The following KAZN variants were observed in gnomAD, a reference collection of about 807,000 sequenced individuals.
The protein encoded by KAZN is kazrin, periplakin interacting protein.
A neutral mutation model predicts 87.4 loss-of-function variants in KAZN; 40 were observed. The observed-to-expected ratio is 0.46, with a 90% CI of 0.36 to 0.60. KAZN has a LOEUF of 0.60. Among genes scored for constraint, KAZN ranks in the 20% least tolerant of loss-of-function variants. The pLI is 0.00. For synonymous variants in KAZN, 466 were observed against 458.3 expected (o/e 1.02, Z -0.22); for missense variants, 898 against 1,073.9 (o/e 0.84, Z 2.29).
At chr1:13,933,385 G>C (rs558333998) in intron 1 of KAZN, among the ~76,000 whole-genome samples, 1 of 152,078 alleles carries the variant, frequency 6.6e-6, no homozygotes, top group African/African-American at 2.4e-5. Flanking sequence ...CCAGCTACTC[G>C]GGAGGCTGAC....
intron 1 of KAZN, among the ~76,000 whole-genome samples, chr1:14,054,230 A>G (rs1642456742): frequency 6.6e-6 from 1 of 152,206 alleles, no homozygotes; most frequent in South Asian, 2.1e-4. Context: ...GGTCAACTGT[A>G]TAATCCAGGC....
intron 1 of KAZN, among the ~76,000 whole-genome samples, chr1:14,615,555 G>A (rs1367916997): frequency 2.0e-5 from 3 of 152,054 alleles, no homozygotes; most frequent in Admixed American, 6.5e-5. Context: ...GAACCCGGGA[G>A]GCAGAGGCTG....
chr1:14,102,073 T>C (rs1644267065), intron 1 of KAZN, among the ~76,000 whole-genome samples: 1 of 152,124 alleles, frequency 6.6e-6, no homozygotes, highest in Admixed American at 6.5e-5. Context: ...CTTGGTATTA[T>C]CAAGTGGGAT....
Position 14,652,899 on chromosome 1 carries a change from G to T in KAZN, c.226+53676G>T, listed in dbSNP as rs1454201413. 2.0e-5 allele frequency among the ~76,000 whole-genome samples: 3 copies of T among 152,124 alleles called. No homozygotes were observed. In the East Asian group the frequency reaches 5.8e-4, roughly 30 times the overall value. ...TTGGTTGTCACAGCTGGGAGAGAGG[G>T]GGGTGCCACTGGCATCTGGCAGGTG... On this transcript the variant is annotated intron_variant, in intron 1 of 14. Transcript: ENST00000376030.
In KAZN at chr1:14,599,240, G is replaced by C. The variant is rs1676753113; in HGVS notation, c.226+17G>C. 7.4e-7 allele frequency: 1 copy of C among 1,356,582 alleles called. No individual in the cohort carries two copies. Among genetic ancestry groups the C allele is most frequent in the Non-Finnish European group, 9.4e-7 (1 of 1,058,632 alleles). The allele number at this position is 1,356,582 out of a possible 1,614,324, so 84.0% of individuals were successfully genotyped here. ...GAGCGCAAGGTAGGATCGCCCCGGC[G>C]CCCAGGGCGGAGGAAGGCGAGCAGA... On this transcript the variant is annotated intron_variant, in intron 1 of 14. Transcript: ENST00000376030. This position sits in a 1 kb window ranked among gnomAD's most constrained non-coding sequence, Gnocchi z 4.4.
At chr1:14,059,504 G>T (rs1570638300) in intron 1 of KAZN, among the ~76,000 whole-genome samples, 1 of 152,208 alleles carries the variant, frequency 6.6e-6, no homozygotes, top group Admixed American at 6.5e-5. Flanking sequence ...CTTTGTTCTA[G>T]CCACGCTGAC....
At chr1:13,964,414 A>G (rs754061732) in intron 1 of KAZN, among the ~76,000 whole-genome samples, 1 of 152,236 alleles carries the variant, frequency 6.6e-6, no homozygotes, top group Non-Finnish European at 1.5e-5. Flanking sequence ...ATGGCTTAAA[A>G]CAACAACTGC....
chr1:14,388,191 C>T (rs972624831), intron 2 of KAZN, among the ~76,000 whole-genome samples: 10 of 152,106 alleles, frequency 6.6e-5, no homozygotes, highest in Non-Finnish European at 1.3e-4. Context: ...GGTGCGAGCA[C>T]CCCCTGACCT....
chr1:14,430,673 CAT>C (rs1666010462), intron 2 of KAZN, among the ~76,000 whole-genome samples: 1 of 152,204 alleles, frequency 6.6e-6, no homozygotes, highest in Non-Finnish European at 1.5e-5. Context: ...AGGATAATCA[CAT>C]GTTCCCTTGA....
At chr1:14,033,166 C>A (rs1206451021) in intron 1 of KAZN, among the ~76,000 whole-genome samples, 1 of 152,082 alleles carries the variant, frequency 6.6e-6, no homozygotes, top group African/African-American at 2.4e-5. Flanking sequence ...AGAATCAAAC[C>A]CAGTAAAACC....
intron 1 of KAZN, among the ~76,000 whole-genome samples, chr1:14,902,870 CTT>C (rs1187907962): frequency 2.3e-4 from 32 of 137,326 alleles, no homozygotes; most frequent in South Asian, 2.4e-4. Context: ...CCTTCCTTTC[CTT>C]TTTTTTTTTT....
intron 8 of KAZN, among the ~76,000 whole-genome samples, chr1:15,092,072 G>GTTTTTTTTTTTTTT (rs1557791969): frequency 1.1e-4 from 9 of 79,844 alleles, no homozygotes; most frequent in East Asian, 5.5e-4. Context: ...TTTTTTTTTT[G>GTTTTTTTTTTTTTT]ATTTTTTTTT....
At chr1:14,169,005 AGCAGAGTTCATCT>A (rs1454948781) in intron 1 of KAZN, among the ~76,000 whole-genome samples, 1 of 152,190 alleles carries the variant, frequency 6.6e-6, no homozygotes, top group Non-Finnish European at 1.5e-5. Flanking sequence ...CTAAGTAAAT[AGCAGAGTTCATCT>A]GTACTCTGGA....
intron 1 of KAZN, among the ~76,000 whole-genome samples, chr1:14,698,712 G>A (rs1475893130): frequency 6.6e-6 from 1 of 152,220 alleles, no homozygotes; most frequent in Non-Finnish European, 1.5e-5. Flanking sequence ...CGCCTCCTCA[G>A]CGCCAGCACC....
chr1:15,107,008 T>C (rs1176741103), intron 13 of KAZN, among the ~76,000 whole-genome samples: 2 of 152,058 alleles, frequency 1.3e-5, no homozygotes, highest in Non-Finnish European at 2.9e-5. Context: ...ATATGGCCTG[T>C]CACTAAAACA....
intron 2 of KAZN, among the ~76,000 whole-genome samples, chr1:14,321,457 G>A (rs538339129): frequency 6.6e-6 from 1 of 152,124 alleles, no homozygotes; most frequent in Admixed American, 6.6e-5. Context: ...TAACATTGAG[G>A]GTATTTAATT....
At chr1:14,198,818 A>G (rs897438430) in intron 2 of KAZN, among the ~76,000 whole-genome samples, 1 of 152,182 alleles carries the variant, frequency 6.6e-6, no homozygotes, top group Non-Finnish European at 1.5e-5. Flanking sequence ...AGGGTTGTCT[A>G]TAATCTCCAT....
At chr1:14,212,227 T>C (rs1022082635) in intron 2 of KAZN, among the ~76,000 whole-genome samples, 4 of 152,298 alleles carry the variant, frequency 2.6e-5, no homozygotes, top group Admixed American at 2.0e-4. Flanking sequence ...TAGGATTTAC[T>C]ATTATTTGGA....
At chr1:14,974,634 T>C (rs986190362) in intron 2 of KAZN, among the ~76,000 whole-genome samples, 1 of 152,226 alleles carries the variant, frequency 6.6e-6, no homozygotes, top group Non-Finnish European at 1.5e-5. Flanking sequence ...TCCTACTCAG[T>C]AATAAAGCAA....
Sources: allele counts gnomAD v4.1 joint callset (sites outside exome capture counted in the v4.1 genomes callset), GRCh38; gene constraint gnomAD v4.1.1; non-coding constraint Gnocchi (gnomAD v3.1); transcripts MANE v1.5; gene names NCBI Gene and HGNC (gene_info 2026-07-23, HGNC 2026-07-21).